CAMTA1: variants seen among roughly 807,000 people sequenced by gnomAD.
CAMTA1 encodes the protein calmodulin binding transcription activator 1, also known as calmodulin-binding transcription activator 1.
CAMTA1 carries 27 observed loss-of-function variants against 170.9 expected under a neutral mutation model. The observed-to-expected ratio is 0.16, with a 90% CI of 0.12 to 0.22. The LOEUF (loss-of-function observed/expected upper bound fraction) is 0.22. Ranked by LOEUF, CAMTA1 falls within the 10% of genes least tolerant of loss-of-function variation. The pLI is 1.00. For synonymous variants in CAMTA1, 833 were observed against 891.5 expected (o/e 0.93, Z 1.17); for missense variants, 1,619 against 2,217.2 (o/e 0.73, Z 5.42).
Position 7,173,324 on chromosome 1 carries a change from G to A in CAMTA1, c.303-76167G>A, listed in dbSNP as rs1009471842. 1.3e-5 allele frequency among the ~76,000 whole-genome samples: 2 copies of A among 152,190 alleles called. No homozygotes were observed. Among genetic ancestry groups the A allele is most frequent in the Admixed American group, 1.3e-4 (2 of 15,282 alleles). ...GCAGAGCGGGGTGCAGGGCCTGGCC[G>A]TGACTGAGGCTCCACGAACGCTGGC... is the stretch of plus-strand genomic sequence containing the variant. On this transcript the variant is annotated intron_variant, in intron 4 of 22. Coordinates refer to ENST00000303635, the MANE Select transcript of CAMTA1 (RefSeq NM_015215.4). This position sits in a 1 kb window ranked among gnomAD's most constrained non-coding sequence, Gnocchi z 5.4.
rs192543732 is a variant in CAMTA1 at position 6,833,724 on chromosome 1, C to T, written c.234+8514C>T. On this transcript the variant is annotated intron_variant, in intron 3 of 22. Coordinates refer to ENST00000303635, the MANE Select transcript of CAMTA1 (RefSeq NM_015215.4). ...TAGCCCAAGAAAAATTTAAATGACA[C>T]TACTGGGTACTAGGGGAAACGTAAC... Among the ~76,000 whole-genome samples the T allele has an allele frequency of 4.6e-5, 7 of 152,288 alleles. No individual in the cohort carries two copies. In the East Asian group the frequency reaches 9.6e-4, roughly 21 times the overall value.
chr1:7,120,170 C>T (rs1644560847), intron 4 of CAMTA1, among the ~76,000 whole-genome samples: 1 of 152,236 alleles, frequency 6.6e-6, no homozygotes, highest in Admixed American at 6.5e-5. Context: ...TTACCCCACA[C>T]TGAGTGGCAT....
intron 3 of CAMTA1, among the ~76,000 whole-genome samples, chr1:6,900,729 T>G (rs1276355788): frequency 1.3e-5 from 2 of 152,148 alleles, no homozygotes; most frequent in Admixed American, 6.5e-5. Context: ...ACTAAGAATA[T>G]GTGTAAGACC....
Position 7,224,207 on chromosome 1 carries a change from G to C in CAMTA1, c.303-25284G>C, listed in dbSNP as rs900929343. The stretch of plus-strand genomic sequence containing the variant: ...GATGCTCTGCCAGGTGGAGGCCTTA[G>C]GTCTTGTCAGTCTCCTTTTACTGCA... On this transcript the variant is annotated intron_variant, in intron 4 of 22. Coordinates refer to ENST00000303635, the MANE Select transcript of CAMTA1 (RefSeq NM_015215.4). The surrounding 1 kb of genome is among the most constrained non-coding windows in gnomAD (Gnocchi z 5.2). 9.2e-5 allele frequency among the ~76,000 whole-genome samples: 14 copies of C among 152,202 alleles called. No individual in the cohort carries two copies. The highest frequency in any genetic ancestry group is 7.9e-4 in the Admixed American group (12 of 15,282).
chr1:7,461,723 A>G (rs2093093238), intron 5 of CAMTA1, among the ~76,000 whole-genome samples: 1 of 152,218 alleles, frequency 6.6e-6, no homozygotes, highest in South Asian at 2.1e-4. Context: ...ACCCAAGGAA[A>G]CAGCATAAAA....
At chr1:7,225,600 G>C (rs955253801) in intron 4 of CAMTA1, among the ~76,000 whole-genome samples, 2 of 152,212 alleles carry the variant, frequency 1.3e-5, no homozygotes, top group Non-Finnish European at 2.9e-5. Flanking sequence ...GGCGAGGCCG[G>C]CACCCCAGTG....
chr1:7,003,697 G>C (rs988990839), intron 3 of CAMTA1, among the ~76,000 whole-genome samples: 1 of 152,160 alleles, frequency 6.6e-6, no homozygotes, highest in Non-Finnish European at 1.5e-5. Flanking sequence ...AGGCCACAGA[G>C]GTACTTTGTT....
intron 1 of CAMTA1, among the ~76,000 whole-genome samples, chr1:6,815,628 T>A (rs1372366809): frequency 2.0e-5 from 3 of 152,228 alleles, no homozygotes; most frequent in African/African-American, 7.2e-5. Flanking sequence ...ATGAAAGTAC[T>A]TTTTAAATCT....
At position 7,002,603 on chromosome 1, in the gene CAMTA1, C is replaced by T. The variant is rs572647057; in HGVS notation, c.235-88701C>T. The stretch of plus-strand genomic sequence containing the variant: ...ACAAGACAGGGCTGAGGGCAAAGGC[C>T]GTGGCACATACTTGTGGGGTGACTT... On this transcript the variant is annotated intron_variant, in intron 3 of 22. Coordinates refer to ENST00000303635, the MANE Select transcript of CAMTA1 (RefSeq NM_015215.4). 5.3e-5 allele frequency among the ~76,000 whole-genome samples: 8 copies of T among 152,320 alleles called. No homozygotes were observed. The South Asian group carries it at 8.3e-4, about 16-fold the overall frequency.
At chr1:7,411,673 G>A in intron 5 of CAMTA1, among the ~76,000 whole-genome samples, 1 of 151,932 alleles carries the variant, frequency 6.6e-6, no homozygotes, top group Non-Finnish European at 1.5e-5. Context: ...AGAGACTCTT[G>A]GCCCATGTCA....
intron 10 of CAMTA1, among the ~76,000 whole-genome samples, chr1:7,675,023 C>A (rs772045815): frequency 3.3e-5 from 5 of 152,136 alleles, no homozygotes; most frequent in Admixed American, 1.3e-4. Context: ...TGTATCCCAG[C>A]AGTAGAATAT....
intron 4 of CAMTA1, among the ~76,000 whole-genome samples, chr1:7,230,877 C>T (rs138573904): frequency 1.3e-5 from 2 of 152,196 alleles, no homozygotes; most frequent in East Asian, 1.9e-4. Flanking sequence ...TCAGTCCTGT[C>T]TTGTTGGGGG....
intron 3 of CAMTA1, among the ~76,000 whole-genome samples, chr1:6,968,380 C>G (rs542325912): frequency 1.3e-5 from 2 of 152,282 alleles, no homozygotes; most frequent in South Asian, 4.1e-4. Flanking sequence ...GATCATAGCC[C>G]CCACGGTGGA....
chr1:7,515,516 C>G (rs143515273), intron 6 of CAMTA1, among the ~76,000 whole-genome samples: 1 of 152,180 alleles, frequency 6.6e-6, no homozygotes, highest in Admixed American at 6.5e-5. Flanking sequence ...TCAGGGGTGG[C>G]TGCACAGCCA....
intron 6 of CAMTA1, among the ~76,000 whole-genome samples, chr1:7,638,170 C>T (rs766615134): frequency 3.5e-4 from 54 of 152,322 alleles, no homozygotes; most frequent in South Asian, 1.5e-3. Context: ...TGCCTGGGGT[C>T]CTGCCTGTCC....
intron 3 of CAMTA1, among the ~76,000 whole-genome samples, chr1:6,849,246 A>G (rs1004117911): frequency 7.9e-5 from 12 of 152,158 alleles, no homozygotes; most frequent in Admixed American, 7.2e-4. Flanking sequence ...GACATACTGT[A>G]TTTTCATTTG....
intron 5 of CAMTA1, among the ~76,000 whole-genome samples, chr1:7,283,953 A>G (rs1286522723): frequency 1.3e-5 from 2 of 152,092 alleles, no homozygotes; most frequent in Non-Finnish European, 2.9e-5. Flanking sequence ...GTTAGGAACT[A>G]GGCATCTGGA....
At chr1:7,391,503 A>T (rs1461962161) in intron 5 of CAMTA1, among the ~76,000 whole-genome samples, 1 of 152,170 alleles carries the variant, frequency 6.6e-6, no homozygotes, top group East Asian at 1.9e-4. Flanking sequence ...TTCTGGAGAT[A>T]CAATTAACAT....
chr1:7,188,232 A>G (rs1653833534), intron 4 of CAMTA1, among the ~76,000 whole-genome samples: 1 of 152,126 alleles, frequency 6.6e-6, no homozygotes, highest in African/African-American at 2.4e-5. Context: ...TCAAGATGAG[A>G]TTTGGGTGGG....
Sources: gnomAD v4.1 joint callset for allele counts (sites outside exome capture counted in the v4.1 genomes callset) on GRCh38, gnomAD v4.1.1 for gene constraint, Gnocchi (gnomAD v3.1) non-coding constraint, MANE v1.5 for transcripts, NCBI Gene and HGNC (gene_info 2026-07-23, HGNC 2026-07-21) for gene names.